Variants in MOB3B observed in about 807,000 individuals in gnomAD.
The protein encoded by MOB3B is MOB kinase activator 3B, also known as MOB kinase activator-like 2B.
MOB3B carries 7 observed loss-of-function variants against 18.7 expected under a neutral mutation model. The ratio of observed to expected loss-of-function variants is 0.37; its 90% CI spans 0.21 to 0.70. MOB3B has a LOEUF of 0.70. MOB3B is among the 30% of genes least tolerant of loss of function. MOB3B has a pLI of 0.52. For synonymous variants in MOB3B, 111 were observed against 99.9 expected, an observed-to-expected ratio of 1.11 and a Z score of -0.66; for missense variants, 253 against 281.3, an observed-to-expected ratio of 0.90 and a Z score of 0.72.
At chr9:27,467,795 G>GCT (rs1819409733) in intron 1 of MOB3B, among the ~76,000 whole-genome samples, 1 of 152,248 alleles carries the variant, frequency 6.6e-6, no homozygotes, top group Non-Finnish European at 1.5e-5. Context: ...GAATTGGTCT[G>GCT]CTCTCACCAG....
rs755903979 is a variant in MOB3B at position 27,330,335 on chromosome 9, C to G, written c.*252G>C. 15 of 437,708 alleles carry G rather than the reference C, an allele frequency of 3.4e-5. No individual in the cohort carries two copies. The highest frequency in any genetic ancestry group is 6.0e-5 in the African/African-American group (3 of 49,608). The allele number at this position is 437,708 out of a possible 1,614,324, so 27.1% of individuals were successfully genotyped here. On this transcript the variant is annotated 3_prime_UTR_variant, in exon 4 of 4. Coordinates refer to ENST00000262244, the MANE Select transcript of MOB3B (RefSeq NM_024761.5). ...GGCTTCCTCGTGGACAATTCCCCAGCCAGAACGGTCAAGGGGCTGGTCCTT... is the reference window on the plus strand; with the variant it reads ...GGCTTCCTCGTGGACAATTCCCCAGGCAGAACGGTCAAGGGGCTGGTCCTT...
At chr9:27,467,024 T>A (rs547612143) in intron 1 of MOB3B, among the ~76,000 whole-genome samples, 21 of 152,212 alleles carry the variant, frequency 1.4e-4, no homozygotes, top group Non-Finnish European at 2.5e-4. Flanking sequence ...TTTTTCTACA[T>A]GAAAAACAGG....
At chr9:27,473,850 T>C (rs1186928053) in intron 1 of MOB3B, among the ~76,000 whole-genome samples, 1 of 152,184 alleles carries the variant, frequency 6.6e-6, no homozygotes, top group East Asian at 1.9e-4. Flanking sequence ...ATAGACTACA[T>C]GTGTTCAAAT....
intron 1 of MOB3B, 146 bp downstream of exon 1, chr9:27,529,409 G>T: frequency 1.1e-5 from 4 of 359,354 alleles, no homozygotes; most frequent in Non-Finnish European, 1.6e-5. Context: ...TGGCCGGCGG[G>T]CAGAAGACCG....
intron 2 of MOB3B, among the ~76,000 whole-genome samples, chr9:27,442,150 A>G (rs906531826): frequency 2.0e-5 from 3 of 152,170 alleles, no homozygotes; most frequent in African/African-American, 7.2e-5. Context: ...ATTAATAAAT[A>G]TTTTTAAATT....
At chr9:27,363,159 C>T (rs759980398) in intron 2 of MOB3B, among the ~76,000 whole-genome samples, 6 of 152,150 alleles carry the variant, frequency 3.9e-5, no homozygotes, top group Non-Finnish European at 8.8e-5. Context: ...CATTACATAA[C>T]TAAAAGAAAA....
chr9:27,367,335 T>G (rs1438246488), intron 2 of MOB3B, among the ~76,000 whole-genome samples: 1 of 152,360 alleles, frequency 6.6e-6, no homozygotes. Context: ...TCCTTTCATC[T>G]CATGCAAATA....
chr9:27,486,868 C>T (rs561250676), intron 1 of MOB3B, among the ~76,000 whole-genome samples: 1 of 152,280 alleles, frequency 6.6e-6, no homozygotes, highest in South Asian at 2.1e-4. Flanking sequence ...TGGTGGCTCA[C>T]GCTTGTAATG....
chr9:27,383,358 CT>C (rs1821606100), intron 2 of MOB3B, among the ~76,000 whole-genome samples: 2 of 152,204 alleles, frequency 1.3e-5, no homozygotes, highest in Admixed American at 1.3e-4. Context: ...CCTCTCATTT[CT>C]GCCTTTATGA....
intron 1 of MOB3B, among the ~76,000 whole-genome samples, chr9:27,485,666 T>C (rs1016586252): frequency 6.6e-6 from 1 of 152,206 alleles, no homozygotes; most frequent in African/African-American, 2.4e-5. Context: ...TCATGGAAAA[T>C]TACTCTTCTT....
At chr9:27,466,683 GGCA>G (rs1434784528) in intron 1 of MOB3B, among the ~76,000 whole-genome samples, 1 of 152,134 alleles carries the variant, frequency 6.6e-6, no homozygotes, top group African/African-American at 2.4e-5. Context: ...CTTCTTATAC[GGCA>G]GCAGCAAGAG....
At chr9:27,430,767 A>G (rs1464021643) in intron 2 of MOB3B, among the ~76,000 whole-genome samples, 1 of 152,088 alleles carries the variant, frequency 6.6e-6, no homozygotes. Context: ...CTTAGTGAGG[A>G]TTTTATTGGT....
chr9:27,362,865 C>T (rs976310540), intron 2 of MOB3B, among the ~76,000 whole-genome samples: 1 of 152,222 alleles, frequency 6.6e-6, no homozygotes, highest in Non-Finnish European at 1.5e-5. Flanking sequence ...TCCCTTCTGC[C>T]TTACAGACGT....
intron 1 of MOB3B, among the ~76,000 whole-genome samples, chr9:27,497,829 C>T (rs1819922885): frequency 6.6e-6 from 1 of 152,162 alleles, no homozygotes; most frequent in Admixed American, 6.5e-5. Context: ...AAATAAATTC[C>T]TCCCAGTAGA....
chr9:27,483,047 G>C (rs1408282158), intron 1 of MOB3B, among the ~76,000 whole-genome samples: 2 of 147,040 alleles, frequency 1.4e-5, no homozygotes, highest in East Asian at 3.9e-4. Flanking sequence ...GCTTAAAAGA[G>C]ATAATTGTTT....
intron 2 of MOB3B, among the ~76,000 whole-genome samples, chr9:27,384,345 A>C (rs1296100314): frequency 1.3e-5 from 2 of 152,126 alleles, no homozygotes; most frequent in Non-Finnish European, 2.9e-5. Flanking sequence ...TCTAAAGCTG[A>C]GAAACAGACC....
chr9:27,338,523 C>A (rs193288218), intron 3 of MOB3B, among the ~76,000 whole-genome samples: 2 of 152,218 alleles, frequency 1.3e-5, no homozygotes, highest in East Asian at 3.9e-4. Flanking sequence ...AAACATCAGG[C>A]TGCTTGCTGC....
chr9:27,392,398 C>A (rs554515364), intron 2 of MOB3B, among the ~76,000 whole-genome samples: 5 of 152,220 alleles, frequency 3.3e-5, no homozygotes, highest in African/African-American at 1.2e-4. Context: ...AAATGGTATA[C>A]CGTAGTAGGA....
At chr9:27,357,822 G>A (rs1300075852) in intron 3 of MOB3B, among the ~76,000 whole-genome samples, 1 of 147,464 alleles carries the variant, frequency 6.8e-6, no homozygotes, top group African/African-American at 2.5e-5. Context: ...GAGAACAAGG[G>A]TGGAGAATTG....
Sources: allele counts gnomAD v4.1 joint callset (sites outside exome capture counted in the v4.1 genomes callset), GRCh38; gene constraint gnomAD v4.1.1; transcripts MANE v1.5; gene names NCBI Gene and HGNC (gene_info 2026-07-23, HGNC 2026-07-21).